BLOC1S5: variants seen among roughly 807,000 people sequenced by gnomAD.
BLOC1S5 encodes the protein biogenesis of lysosomal organelles complex 1 subunit 5.
Under a neutral mutation model 24.3 loss-of-function variants are expected in BLOC1S5, and 27 were observed. The observed-to-expected ratio is 1.11, with a 90% CI of 0.82 to 1.53. The LOEUF (loss-of-function observed/expected upper bound fraction) is 1.53, where lower values mean the gene tolerates loss of function less well. Ranked by LOEUF, BLOC1S5 falls within the 40% of genes most tolerant of loss-of-function variation. BLOC1S5 has a pLI of 0.00. For missense variants in BLOC1S5, 239 were observed against 229.4 expected, an observed-to-expected ratio of 1.04 and a Z score of -0.27; for synonymous variants, 84 against 74.5, an observed-to-expected ratio of 1.13 and a Z score of -0.66.
rs774275190 is a variant in BLOC1S5, at chr6:8,015,762, C to A, written c.451G>T (p.Glu151Ter). ...HMLQWDNFMK[E>*]QPNKRAEVDE... ...ACTTCAGCCCTTTTGTTGGGTTGCT[C>A]CTTCATGAAGTTGTCCCACTGGAGC... Residue 151 changes from glutamate to a stop codon, truncating the protein, a stop_gained, in exon 5 of 5, where the codon GAG becomes TAG. Transcript: ENST00000397457. LOFTEE classifies it high-confidence loss of function. The A allele has an allele frequency of 6.2e-7, 1 of 1,614,136 alleles. No individual in the cohort carries two copies.
chr6:8,053,625 T>G (rs11243228), intron 2 of BLOC1S5, among the ~76,000 whole-genome samples: 23,811 of 152,202 alleles, frequency 0.16, 1,932 homozygotes, highest in Admixed American at 0.19. Context: ...CCAAGAAATT[T>G]GTTTAACTTG....
At chr6:8,034,754 T>C (rs1763428308) in intron 3 of BLOC1S5, among the ~76,000 whole-genome samples, 1 of 152,092 alleles carries the variant, frequency 6.6e-6, no homozygotes, top group Non-Finnish European at 1.5e-5. Flanking sequence ...GAACTAACAG[T>C]AGATCTACCA....
chr6:8,033,333 AACCATCT>A (rs1481498528), intron 3 of BLOC1S5, among the ~76,000 whole-genome samples: 1 of 152,180 alleles, frequency 6.6e-6, no homozygotes, highest in Non-Finnish European at 1.5e-5. Context: ...ACACATCTAC[AACCATCT>A]GATCTTTGAC....
At chr6:8,050,575 T>C (rs1764071968) in intron 2 of BLOC1S5, among the ~76,000 whole-genome samples, 1 of 151,342 alleles carries the variant, frequency 6.6e-6, no homozygotes, top group Non-Finnish European at 1.5e-5. Context: ...ACCAGATATT[T>C]AGCCAAGATG....
chr6:8,040,968 G>A (rs1244630320), intron 3 of BLOC1S5, among the ~76,000 whole-genome samples, 171 bp downstream of exon 3: 1 of 152,126 alleles, frequency 6.6e-6, no homozygotes, highest in African/African-American at 2.4e-5. Context: ...GGAGATTAAT[G>A]CTGTTTGGAG....
Position 8,021,553 on chromosome 6 carries a change from C to T in BLOC1S5, c.384+4814G>A, listed in dbSNP as rs111990494. On this transcript the variant is annotated intron_variant, in intron 4 of 4. Coordinates refer to ENST00000397457, the MANE Select transcript of BLOC1S5 (RefSeq NM_201280.3). ...GGCAGAGGTTGCAGTGAGCCGAGAT[C>T]GCACCACTGCACTCCACCCTGGGTG... Among the ~76,000 whole-genome samples, 1,256 of 152,004 alleles carry T rather than the reference C, an allele frequency of 8.3e-3. 13 individuals are homozygous for T. Among genetic ancestry groups the T allele is most frequent in the African/African-American group, 0.029 (1,189 of 41,460 alleles).
intron 3 of BLOC1S5, among the ~76,000 whole-genome samples, chr6:8,035,787 G>A (rs548258966): frequency 7.2e-5 from 11 of 152,126 alleles, no homozygotes; most frequent in Non-Finnish European, 1.3e-4. Context: ...AATAGCCGCA[G>A]GAGACTTCAA....
chr6:8,038,411 A>G (rs962647173), intron 3 of BLOC1S5, among the ~76,000 whole-genome samples: 3 of 152,242 alleles, frequency 2.0e-5, no homozygotes, highest in Admixed American at 2.0e-4. Context: ...AAAAGTGCCC[A>G]AGATCACTAA....
intron 3 of BLOC1S5, among the ~76,000 whole-genome samples, chr6:8,036,294 A>ACAATGAACCT (rs60418467): frequency 0.039 from 5,927 of 152,218 alleles, 359 homozygotes; most frequent in African/African-American, 0.13. Flanking sequence ...AAACAACCTA[A>ACAATGAACCT]CAAGGAACAA....
At chr6:8,040,718 T>C (rs1415739174) in intron 3 of BLOC1S5, among the ~76,000 whole-genome samples, 2 of 152,036 alleles carry the variant, frequency 1.3e-5, no homozygotes, top group South Asian at 2.1e-4. Flanking sequence ...TAGCCAGGCA[T>C]GGTGAGACGC....
chr6:8,036,853 T>C (rs1250499458), intron 3 of BLOC1S5, among the ~76,000 whole-genome samples: 1 of 152,168 alleles, frequency 6.6e-6, no homozygotes, highest in Non-Finnish European at 1.5e-5. Context: ...ATCCCAGGAA[T>C]GGCAGGATGG....
At chr6:8,060,864 G>A (rs1055781544) in intron 2 of BLOC1S5, among the ~76,000 whole-genome samples, 1 of 151,750 alleles carries the variant, frequency 6.6e-6, no homozygotes, top group Non-Finnish European at 1.5e-5. Context: ...TTGCTCCATC[G>A]CCAGGGCTGG....
intron 1 of BLOC1S5, among the ~76,000 whole-genome samples, chr6:8,063,113 T>G (rs938685301): frequency 6.6e-6 from 1 of 152,148 alleles, no homozygotes; most frequent in Non-Finnish European, 1.5e-5. Flanking sequence ...CATAAAACTT[T>G]AAAATATTCA....
intron 4 of BLOC1S5, among the ~76,000 whole-genome samples, 182 bp downstream of exon 4, chr6:8,026,184 AT>A (rs34713027): frequency 6.6e-6 from 1 of 152,240 alleles, no homozygotes; most frequent in Non-Finnish European, 1.5e-5. Flanking sequence ...GAGTTCTGCA[AT>A]TTCAATTATA....
intron 2 of BLOC1S5, among the ~76,000 whole-genome samples, chr6:8,061,786 C>T (rs1581440251): frequency 1.3e-5 from 2 of 152,280 alleles, no homozygotes; most frequent in South Asian, 4.1e-4. Context: ...GCACAATAAA[C>T]CAATTATACA....
In BLOC1S5 at chr6:8,015,574, C is replaced by T. The variant is rs1235838709; in HGVS notation, c.*75G>A. 2.1e-5 allele frequency: 30 copies of T among 1,426,826 alleles called. 1 individual carries two copies. The highest frequency in any genetic ancestry group is 2.1e-4 in the East Asian group (9 of 43,424). The allele number at this position is 1,426,826 out of a possible 1,614,324, so 88.4% of individuals were successfully genotyped here. Reference sequence around the variant, plus strand: ...TGCTAAGCTTGAAGCAGAGGCTAAACGGTCTGGTGGGAATAGTTTTCAGGA... The same window carrying T: ...TGCTAAGCTTGAAGCAGAGGCTAAATGGTCTGGTGGGAATAGTTTTCAGGA... On this transcript the variant is annotated 3_prime_UTR_variant, in exon 5 of 5. Transcript: ENST00000397457.
intron 4 of BLOC1S5, among the ~76,000 whole-genome samples, chr6:8,020,426 C>T (rs1360645034): frequency 1.3e-5 from 2 of 152,226 alleles, no homozygotes; most frequent in African/African-American, 2.4e-5. Context: ...GTCAGACACC[C>T]TTTTCTTTGG....
chr6:8,028,502 A>C (rs1763183451), intron 3 of BLOC1S5, among the ~76,000 whole-genome samples: 1 of 152,136 alleles, frequency 6.6e-6, no homozygotes, highest in South Asian at 2.1e-4. Flanking sequence ...CATAACTTAA[A>C]ATCCATTTGG....
At chr6:8,023,407 T>C (rs1035900292) in intron 4 of BLOC1S5, among the ~76,000 whole-genome samples, 1 of 152,130 alleles carries the variant, frequency 6.6e-6, no homozygotes, top group Non-Finnish European at 1.5e-5. Context: ...CTGACCAACA[T>C]GGTGAAACCC....
Sources: gnomAD v4.1 joint callset for allele counts (sites outside exome capture counted in the v4.1 genomes callset) on GRCh38, gnomAD v4.1.1 for gene constraint, MANE v1.5 for transcripts, NCBI Gene and HGNC (gene_info 2026-07-23, HGNC 2026-07-21) for gene names.